The following IL19 variants were observed in gnomAD, a reference collection of about 807,000 sequenced individuals.
The protein encoded by IL19 is interleukin 19.
Under a neutral mutation model 19.5 loss-of-function variants are expected in IL19, and 15 were observed. The observed-to-expected ratio is 0.77, with a 90% confidence interval of 0.52 to 1.19. IL19 has a LOEUF of 1.19. IL19 is among the 50% of genes most tolerant of loss of function. The pLI, the probability that IL19 is intolerant of heterozygous loss-of-function variation, is 0.00. For missense variants in IL19, 199 were observed against 213.1 expected (o/e 0.93, Z 0.41); for synonymous variants, 78 against 78.3 (o/e 1.00, Z 0.02).
intron 2 of IL19, among the ~76,000 whole-genome samples, chr1:206,827,846 C>T (rs1676477991): frequency 6.6e-6 from 1 of 152,218 alleles, no homozygotes; most frequent in African/African-American, 2.4e-5. Context: ...TGACTGCACG[C>T]AGCTGTACCA....
chr1:206,786,466 G>T (rs971672833), intron 1 of IL19, among the ~76,000 whole-genome samples: 4 of 152,186 alleles, frequency 2.6e-5, no homozygotes, highest in Admixed American at 2.0e-4. Context: ...GTGAGGGTTG[G>T]CTGGGGACTA....
intron 2 of IL19, among the ~76,000 whole-genome samples, chr1:206,801,078 T>C (rs1424070505): frequency 6.6e-6 from 1 of 152,164 alleles, no homozygotes; most frequent in Non-Finnish European, 1.5e-5. Flanking sequence ...GCACTGGATC[T>C]TCTAACTTTC....
At chr1:206,804,543 G>A (rs1675795139) in intron 2 of IL19, among the ~76,000 whole-genome samples, 1 of 152,166 alleles carries the variant, frequency 6.6e-6, no homozygotes, top group Non-Finnish European at 1.5e-5. Context: ...TGAGTCATAG[G>A]CTGTGTCTTT....
At chr1:206,773,456 G>A (rs1674912707) in intron 1 of IL19, among the ~76,000 whole-genome samples, 1 of 152,200 alleles carries the variant, frequency 6.6e-6, no homozygotes, top group African/African-American at 2.4e-5. Flanking sequence ...AAAAGATGGG[G>A]TGGAAGAAGT....
At chr1:206,821,276 C>G (rs1676284117) in intron 2 of IL19, among the ~76,000 whole-genome samples, 1 of 152,154 alleles carries the variant, frequency 6.6e-6, no homozygotes. Flanking sequence ...AGCAACAGGA[C>G]CTGGCACCTG....
chr1:206,841,655 C>T (rs1212438833), intron 6 of IL19, among the ~76,000 whole-genome samples: 2 of 152,178 alleles, frequency 1.3e-5, no homozygotes, highest in South Asian at 4.1e-4. Flanking sequence ...TCAAATGATA[C>T]CAATGCTTTG....
At chr1:206,798,360 T>C (rs1183582040) in intron 1 of IL19, among the ~76,000 whole-genome samples, 1 of 152,142 alleles carries the variant, frequency 6.6e-6, no homozygotes, top group Non-Finnish European at 1.5e-5. Context: ...GGTGCTGTTG[T>C]GGACCTGCAG....
At chr1:206,836,553 A>G in intron 2 of IL19, 108 bp from the exon 3 acceptor site, 1 of 1,027,400 alleles carries the variant, frequency 9.7e-7, no homozygotes, top group African/African-American at 1.6e-5. Flanking sequence ...GTTTTCTTGT[A>G]TTCCTCCCGG....
intron 2 of IL19, among the ~76,000 whole-genome samples, chr1:206,829,705 T>G (rs1460001867): frequency 6.6e-6 from 1 of 152,074 alleles, no homozygotes; most frequent in African/African-American, 2.4e-5. Flanking sequence ...AAGAGTGGAT[T>G]GTTCAGGAGA....
intron 3 of IL19, 59 bp downstream of exon 3, chr1:206,836,865 GC>G (rs1169053814): frequency 1.9e-6 from 3 of 1,607,940 alleles, no homozygotes; most frequent in Non-Finnish European, 2.6e-6. Context: ...TTACATCTTA[GC>G]TTGAAAATGA....
At chr1:206,780,135 G>A (rs1343084344) in intron 1 of IL19, among the ~76,000 whole-genome samples, 1 of 152,128 alleles carries the variant, frequency 6.6e-6, no homozygotes, top group Non-Finnish European at 1.5e-5. Context: ...CAGGCCCCCT[G>A]GGTGTATCTT....
chr1:206,796,055 C>A (rs779242027), intron 1 of IL19, among the ~76,000 whole-genome samples: 1 of 151,538 alleles, frequency 6.6e-6, no homozygotes, highest in Non-Finnish European at 1.5e-5. Flanking sequence ...CCAGGAAAGC[C>A]GATGGTATAG....
Position 206,828,674 on chromosome 1 carries a change from A to T in IL19, c.-2-7987A>T, listed in dbSNP as rs2102479980. On this transcript the variant is annotated intron_variant, in intron 2 of 6. Coordinates refer to ENST00000659997, the MANE Select transcript of IL19 (RefSeq NM_153758.5). The stretch of plus-strand genomic sequence containing the variant: ...AAAAAAGTATTGACATAGAAGAAGG[A>T]AACAAAAAGTTGTCAGGAGTTAAAG... Among the ~76,000 whole-genome samples the T allele has an allele frequency of 2.0e-5, 3 of 152,342 alleles. 1 individual carries two copies. In the East Asian group the frequency reaches 5.8e-4, roughly 29 times the overall value.
intron 1 of IL19, among the ~76,000 whole-genome samples, chr1:206,781,237 A>G (rs1316809781): frequency 6.6e-6 from 1 of 151,820 alleles, no homozygotes; most frequent in Admixed American, 6.6e-5. Flanking sequence ...CTAGGTCAGT[A>G]GTTCAAGACC....
chr1:206,840,506 A>T (rs1162577138), intron 5 of IL19: 1 of 226,124 alleles, frequency 4.4e-6, no homozygotes, highest in African/African-American at 2.3e-5. Context: ...CCTGCTAATG[A>T]TTTCCTGTGA....
intron 1 of IL19, among the ~76,000 whole-genome samples, chr1:206,779,391 T>TC (rs1461244913): frequency 6.6e-6 from 1 of 152,118 alleles, no homozygotes; most frequent in Non-Finnish European, 1.5e-5. Context: ...CTTTGCAGCC[T>TC]CCATACCAGT....
intron 2 of IL19, among the ~76,000 whole-genome samples, chr1:206,833,541 A>C (rs997014600): frequency 6.6e-6 from 1 of 152,244 alleles, no homozygotes; most frequent in African/African-American, 2.4e-5. Flanking sequence ...ATTTAATGGG[A>C]AGAAACTGTT....
chr1:206,812,512 T>C (rs572891256), intron 2 of IL19, among the ~76,000 whole-genome samples: 1 of 152,302 alleles, frequency 6.6e-6, no homozygotes, highest in South Asian at 2.1e-4. Context: ...TGCCACTCCA[T>C]GGGCCCAAAG....
At chr1:206,803,020 G>T (rs1038092126) in intron 2 of IL19, among the ~76,000 whole-genome samples, 10 of 152,128 alleles carry the variant, frequency 6.6e-5, no homozygotes, top group Admixed American at 5.2e-4. Flanking sequence ...TTCCTTTGAG[G>T]TTCAGTCCCA....
Sources: gnomAD v4.1 joint callset for allele counts (sites outside exome capture counted in the v4.1 genomes callset) on GRCh38, gnomAD v4.1.1 for gene constraint, MANE v1.5 for transcripts, NCBI Gene and HGNC (gene_info 2026-07-23, HGNC 2026-07-21) for gene names.